The following RERG variants were observed in gnomAD, a reference collection of about 807,000 sequenced individuals.
The protein encoded by RERG is ras-related and estrogen-regulated growth inhibitor.
RERG carries 25 observed loss-of-function variants against 23.2 expected under a neutral mutation model. That is an observed-to-expected ratio of 1.08 (90% CI 0.79 to 1.50). RERG has a LOEUF of 1.50. Among genes scored for constraint, RERG ranks in the 40% most tolerant of loss-of-function variants. The pLI is 0.00. For synonymous variants in RERG, 81 were observed against 89.1 expected, an observed-to-expected ratio of 0.91 and a Z score of 0.51; for missense variants, 253 against 250.1, an observed-to-expected ratio of 1.01 and a Z score of -0.08.
intron 2 of RERG, among the ~76,000 whole-genome samples, chr12:15,194,202 T>C (rs548833025): frequency 5.3e-5 from 8 of 152,188 alleles, no homozygotes; most frequent in Admixed American, 5.2e-4. Flanking sequence ...CATGAAAAAC[T>C]TTTGCAGGGT....
At chr12:15,161,162 G>GAAAGAAAGAAAGAAAGAAAGAAAGA (rs1864602639) in intron 2 of RERG, among the ~76,000 whole-genome samples, 3 of 118,424 alleles carry the variant, frequency 2.5e-5, no homozygotes, top group East Asian at 5.1e-4. Flanking sequence ...AAGAAAGAAA[G>GAAAGAAAGAAAGAAAGAAAGAAAGA]AAAGAAAGAA....
intron 2 of RERG, among the ~76,000 whole-genome samples, chr12:15,173,941 CT>C (rs1864810913): frequency 6.6e-6 from 1 of 151,780 alleles, no homozygotes; most frequent in South Asian, 2.1e-4. Flanking sequence ...ATATGGATAC[CT>C]TTTATTTAAA....
intron 2 of RERG, among the ~76,000 whole-genome samples, chr12:15,178,585 C>T (rs561702285): frequency 6.6e-5 from 10 of 152,200 alleles, no homozygotes; most frequent in East Asian, 1.9e-4. Flanking sequence ...AGAACTTATG[C>T]GAGTTACTTA....
Position 15,158,030 on chromosome 12 carries a change from A to G in RERG, c.62-36911T>C, listed in dbSNP as rs147587343. ...TTGCCTCCTTACATTTAAGTGTTTC[A>G]ATATCTATACTTCATAATAAATACA... On this transcript the variant is annotated intron_variant, in intron 2 of 4. Transcript: ENST00000256953. Among the ~76,000 whole-genome samples, 368 of 152,280 alleles carry G rather than the reference A, an allele frequency of 2.4e-3. 6 individuals are homozygous for G. In the South Asian group the frequency reaches 0.046, roughly 19 times the overall value.
chr12:15,161,125 A>G (rs1864598277), intron 2 of RERG, among the ~76,000 whole-genome samples: 1 of 147,458 alleles, frequency 6.8e-6, no homozygotes, highest in African/African-American at 2.5e-5. Flanking sequence ...ACAGAGTGAG[A>G]CTCCATCTCA....
At chr12:15,219,250 G>A (rs566553786) in intron 1 of RERG, among the ~76,000 whole-genome samples, 1 of 152,150 alleles carries the variant, frequency 6.6e-6, no homozygotes, top group South Asian at 2.1e-4. Context: ...CTTCTTGAGA[G>A]AGAAATTAAA....
intron 2 of RERG, among the ~76,000 whole-genome samples, chr12:15,200,808 GGCTTCTGAGTTTT>G (rs1351783369): frequency 2.6e-5 from 4 of 151,768 alleles, no homozygotes; most frequent in African/African-American, 9.7e-5. Context: ...GTTTTTAAAA[GGCTTCTGAGTTTT>G]GCTTCTGGGG....
At chr12:15,126,943 C>T (rs1457265137) in intron 2 of RERG, among the ~76,000 whole-genome samples, 2 of 152,050 alleles carry the variant, frequency 1.3e-5, no homozygotes, top group Non-Finnish European at 2.9e-5. Context: ...CGGTCTTGAT[C>T]TCCTGACCTT....
intron 2 of RERG, among the ~76,000 whole-genome samples, chr12:15,157,891 C>G (rs1244426452): frequency 6.6e-6 from 1 of 151,832 alleles, no homozygotes; most frequent in Non-Finnish European, 1.5e-5. Flanking sequence ...TACATTTTTC[C>G]CATTTGTTTT....
chr12:15,120,062 A>G (rs1483778727), intron 3 of RERG, among the ~76,000 whole-genome samples: 1 of 152,184 alleles, frequency 6.6e-6, no homozygotes, highest in African/African-American at 2.4e-5. Context: ...TTGCATTGGA[A>G]GTAGTGGAGA....
At chr12:15,195,073 C>G (rs532150459) in intron 2 of RERG, among the ~76,000 whole-genome samples, 11 of 152,218 alleles carry the variant, frequency 7.2e-5, no homozygotes, top group African/African-American at 2.6e-4. Flanking sequence ...GAGAGCTTGT[C>G]AAATTAATGC....
intron 1 of RERG, among the ~76,000 whole-genome samples, chr12:15,218,626 T>C (rs971581232): frequency 6.6e-6 from 1 of 152,100 alleles, no homozygotes; most frequent in African/African-American, 2.4e-5. Flanking sequence ...TCCCTGCGGC[T>C]TCTACTCATT....
At chr12:15,139,526 T>C (rs1160411503) in intron 2 of RERG, among the ~76,000 whole-genome samples, 3 of 152,188 alleles carry the variant, frequency 2.0e-5, no homozygotes, top group African/African-American at 7.2e-5. Flanking sequence ...CGCATAGATC[T>C]GGTACATATT....
At chr12:15,209,509 G>GTT (rs368106684) in intron 2 of RERG, among the ~76,000 whole-genome samples, 2 of 147,342 alleles carry the variant, frequency 1.4e-5, no homozygotes, top group Admixed American at 6.8e-5. Context: ...TGATTCATCA[G>GTT]TTTTTTTTTT....
intron 2 of RERG, chr12:15,216,954 T>A (rs1191068709): frequency 6.5e-6 from 1 of 152,810 alleles, no homozygotes; most frequent in Non-Finnish European, 1.5e-5. Flanking sequence ...CTCAGGATTT[T>A]TGAGTGTTTG....
chr12:15,111,444 CAAAA>C, intron 3 of RERG, 27 bp from the exon 4 acceptor site: 1 of 1,548,792 alleles, frequency 6.5e-7, no homozygotes, highest in Non-Finnish European at 8.8e-7. Flanking sequence ...ATAAAAAAGA[CAAAA>C]AGATAAATAA....
At chr12:15,196,121 A>G (rs1865140494) in intron 2 of RERG, among the ~76,000 whole-genome samples, 1 of 152,122 alleles carries the variant, frequency 6.6e-6, no homozygotes, top group African/African-American at 2.4e-5. Context: ...AGGCATTTCT[A>G]TTCCTCTTCA....
At chr12:15,154,934 A>T (rs1027251420) in intron 2 of RERG, among the ~76,000 whole-genome samples, 8 of 152,348 alleles carry the variant, frequency 5.3e-5, no homozygotes, top group African/African-American at 1.4e-4. Flanking sequence ...TTCATTTTTT[A>T]AAATGTTAAG....
rs191753608 is a variant in RERG, at chr12:15,139,516, C to T, written c.62-18397G>A. ...TAGATCAGAGTTTTATAATGCTTCTCGCATAGATCTGGTACATATTTTGTT... is the reference window on the plus strand; with the variant it reads ...TAGATCAGAGTTTTATAATGCTTCTTGCATAGATCTGGTACATATTTTGTT... On this transcript the variant is annotated intron_variant, in intron 2 of 4. Coordinates refer to ENST00000256953, the MANE Select transcript of RERG (RefSeq NM_032918.3). Among the ~76,000 whole-genome samples, 87 of 152,140 alleles carry T rather than the reference C, an allele frequency of 5.7e-4. 1 individual carries two copies. Among genetic ancestry groups the T allele is most frequent in the Non-Finnish European group, 8.2e-4 (56 of 67,956 alleles).
Sources: gnomAD v4.1 joint callset for allele counts (sites outside exome capture counted in the v4.1 genomes callset) on GRCh38, gnomAD v4.1.1 for gene constraint, MANE v1.5 for transcripts, NCBI Gene and HGNC (gene_info 2026-07-23, HGNC 2026-07-21) for gene names.